CDHR2: variants seen among roughly 807,000 people sequenced by gnomAD.
The protein encoded by CDHR2 is cadherin-related family member 2.
A neutral mutation model predicts 138.6 loss-of-function variants in CDHR2; 104 were observed. The ratio of observed to expected loss-of-function variants is 0.75; its 90% CI spans 0.64 to 0.88. CDHR2 has a LOEUF of 0.88. Ranked by LOEUF, CDHR2 falls within the 40% of genes least tolerant of loss-of-function variation. CDHR2 has a pLI of 0.00. For missense variants in CDHR2, 1,624 were observed against 1,727.6 expected, an observed-to-expected ratio of 0.94 and a Z score of 1.06; for synonymous variants, 755 against 742.8, an observed-to-expected ratio of 1.02 and a Z score of -0.27.
chr5:176,552,248 C>A (rs572090146), intron 1 of CDHR2, among the ~76,000 whole-genome samples: 1 of 152,222 alleles, frequency 6.6e-6, no homozygotes, highest in Non-Finnish European at 1.5e-5. Context: ...GTGGGGGCCA[C>A]CAACTGCCTG....
At chr5:176,573,104 A>G (rs1758273840) in intron 6 of CDHR2, among the ~76,000 whole-genome samples, 1 of 152,210 alleles carries the variant, frequency 6.6e-6, no homozygotes, top group South Asian at 2.1e-4. Context: ...TGCTCCAGGA[A>G]GGGGTGCTCC....
Position 176,581,389 on chromosome 5 carries a change from T to C in CDHR2, c.1865T>C (p.Phe622Ser), listed in dbSNP as rs200053081. The part of the protein sequence containing the change: ...EPGTNNSRLL[F>S]NLLPGPYSHN... ...GGCACCAACAACAGCCGTCTGCTCT[T>C]CAACCTGCTGCCTGGCCCCTACAGC... is the stretch of plus-strand genomic sequence containing the variant. Residue 622 changes from phenylalanine (F) to serine (S), a missense_variant, in exon 17 of 32, where the codon TTC becomes TCC. Physicochemically the swap from Phe to Ser is radical, Grantham distance 155. Transcript: ENST00000261944. 2 of 1,614,066 alleles carry C rather than the reference T, an allele frequency of 1.2e-6. No individual in the cohort carries two copies. The highest frequency in any genetic ancestry group is 4.5e-5 in the East Asian group (2 of 44,882).
chr5:176,582,912 G>T (rs145967854), intron 17 of CDHR2, among the ~76,000 whole-genome samples: 42 of 152,330 alleles, frequency 2.8e-4, no homozygotes, highest in African/African-American at 8.9e-4. Context: ...GAACAGTATT[G>T]TGACAAATGT....
At chr5:176,570,323 G>C (rs1022696529) in intron 5 of CDHR2, among the ~76,000 whole-genome samples, 1 of 152,136 alleles carries the variant, frequency 6.6e-6, no homozygotes, top group Non-Finnish European at 1.5e-5. Context: ...ACATTCCCGT[G>C]ATAGGACAGG....
intron 17 of CDHR2, among the ~76,000 whole-genome samples, chr5:176,582,587 T>G (rs1327296657): frequency 6.6e-6 from 1 of 152,110 alleles, no homozygotes; most frequent in Non-Finnish European, 1.5e-5. Context: ...AGTTTGAGAC[T>G]GGGCTGGGCA....
intron 1 of CDHR2, among the ~76,000 whole-genome samples, chr5:176,557,270 C>T: frequency 6.6e-6 from 1 of 150,802 alleles, no homozygotes; most frequent in Non-Finnish European, 1.5e-5. Context: ...CAGTGGTGTG[C>T]TCATGGCTCC....
In CDHR2 at chr5:176,553,446, T is replaced by G. The variant is rs906544076; in HGVS notation, c.-16+4032T>G. Among the ~76,000 whole-genome samples the G allele has an allele frequency of 2.6e-5, 4 of 152,204 alleles. No individual in the cohort carries two copies. Among genetic ancestry groups the G allele is most frequent in the Non-Finnish European group, 2.9e-5 (2 of 68,028 alleles). On this transcript the variant is annotated intron_variant, in intron 1 of 31. Transcript: ENST00000261944. The surrounding 1 kb of genome is among the most constrained non-coding windows in gnomAD (Gnocchi z 4.3). Reference sequence around the variant, plus strand: ...CCCTGAGGGCAGGAATCTCCTGTCCTGCAGGCTGGACCCAGGGGAACTTTG... The same window carrying G: ...CCCTGAGGGCAGGAATCTCCTGTCCGGCAGGCTGGACCCAGGGGAACTTTG...
intron 16 of CDHR2, among the ~76,000 whole-genome samples, chr5:176,580,246 C>T (rs1459222000): frequency 2.0e-5 from 3 of 152,014 alleles, no homozygotes; most frequent in Admixed American, 6.6e-5. Context: ...ATAGCGCTGA[C>T]GGCCGGGCAT....
chr5:176,591,556 GTGTTGGTGGTGATGATGGTGATGACAA>G, intron 30 of CDHR2, 72 bp downstream of exon 30: 1 of 1,118,156 alleles, frequency 8.9e-7, no homozygotes, highest in Non-Finnish European at 1.4e-6. Flanking sequence ...GGTGGTGATG[GTGTTGGTGGTGATGATGGTGATGACAA>G]TGGTGATGGT....
chr5:176,552,507 G>A (rs930139725), intron 1 of CDHR2, among the ~76,000 whole-genome samples: 34 of 152,378 alleles, frequency 2.2e-4, no homozygotes, highest in African/African-American at 7.9e-4. Context: ...GGGGCAGGCA[G>A]TGTGTCCTGC....
rs747474229 is a variant in CDHR2 at position 176,575,840 on chromosome 5, G to T, written c.960+1G>T. The T allele has an allele frequency of 1.3e-6, 2 of 1,547,438 alleles. No homozygotes were observed. The highest frequency in any genetic ancestry group is 1.2e-5 in the South Asian group (1 of 83,570). On this transcript the variant is annotated splice_donor_variant, in intron 11 of 31. Transcript: ENST00000261944. LOFTEE classifies it high-confidence loss of function. ...TGAGGAGGTGCAGCTGCAGGTCACG[G>T]TGAGCAAAGGCCCCACCACCCCTGT...
At chr5:176,581,223 G>C in intron 16 of CDHR2, 120 bp from the exon 17 acceptor site, 1 of 1,316,698 alleles carries the variant, frequency 7.6e-7, no homozygotes, top group Non-Finnish European at 1.0e-6. Context: ...GGGCCCAGGG[G>C]CTCCAGGCCT....
At chr5:176,587,578 A>G (rs1169789846) in intron 21 of CDHR2, among the ~76,000 whole-genome samples, 2 of 152,150 alleles carry the variant, frequency 1.3e-5, no homozygotes, top group Non-Finnish European at 2.9e-5. Context: ...GGCTTCCCAC[A>G]CCACCGAGGG....
chr5:176,578,490 C>T lies in CDHR2; in HGVS notation c.1700C>T (p.Ser567Phe). ...TLQATDGGNL[S>F]SSTTLQIHLL... ...CAGGCCACAGACGGCGGGAACCTGT[C>T]CTCCTCCACCACACTGCAGATCCAC... The change falls in exon 16 of 32, where the codon TCC (serine) becomes TTC (phenylalanine). Residue 567 changes from serine (S) to phenylalanine (F), a missense_variant. Physicochemically the swap from Ser to Phe is radical, Grantham distance 155. This residue lies in a region of CDHR2 where 1,061 missense variants were observed against 1,136.6 expected (regional missense o/e 0.93). Transcript: ENST00000261944. 3 of 1,613,798 alleles carry T rather than the reference C, an allele frequency of 1.9e-6. No homozygotes were observed. Among genetic ancestry groups the T allele is most frequent in the South Asian group, 1.1e-5 (1 of 91,038 alleles).
chr5:176,575,690 G>A, intron 10 of CDHR2, 34 bp from the exon 11 acceptor site: 1 of 1,589,998 alleles, frequency 6.3e-7, no homozygotes, highest in Non-Finnish European at 8.6e-7. Flanking sequence ...CACTGGAGCA[G>A]CTGTTCCAGC....
intron 17 of CDHR2, among the ~76,000 whole-genome samples, chr5:176,582,184 T>C (rs575279750): frequency 2.0e-5 from 3 of 151,970 alleles, no homozygotes; most frequent in South Asian, 2.1e-4. Context: ...CCATGCCTGG[T>C]TAATTTTTTT....
Position 176,594,120 on chromosome 5 carries a change from AG to A in CDHR2, c.3792+1343del, listed in dbSNP as rs1162522432. On this transcript the variant is annotated intron_variant, in intron 31 of 31. Coordinates refer to ENST00000261944, the MANE Select transcript of CDHR2 (RefSeq NM_017675.6). ...CTGGATCTGTGGACTGGGAAGGGGC[AG>A]GGAAGTAGGAGAAGGGTCTGGAGAG... Among the ~76,000 whole-genome samples, 3 of 152,306 alleles carry A rather than the reference AG, an allele frequency of 2.0e-5. No homozygotes were observed. In the East Asian group the frequency reaches 5.8e-4, roughly 29 times the overall value.
At chr5:176,582,622 A>G (rs1476902232) in intron 17 of CDHR2, among the ~76,000 whole-genome samples, 2 of 152,144 alleles carry the variant, frequency 1.3e-5, no homozygotes, top group Non-Finnish European at 2.9e-5. Context: ...CATCTCTACT[A>G]AAATAAAAAA....
At chr5:176,547,712 A>C (rs1425561882), upstream of CDHR2, 2 of 152,234 alleles carry the variant, frequency 1.3e-5, no homozygotes, top group African/African-American at 4.8e-5. Context: ...ACAGGTGCAC[A>C]GCAGTGCCCC....
Sources: allele counts gnomAD v4.1 joint callset (sites outside exome capture counted in the v4.1 genomes callset), GRCh38; gene constraint gnomAD v4.1.1; regional missense constraint gnomAD v4.1.1; non-coding constraint Gnocchi (gnomAD v3.1); transcripts MANE v1.5; gene names NCBI Gene and HGNC (gene_info 2026-07-23, HGNC 2026-07-21).